CACNA2D3: variants seen among roughly 807,000 people sequenced by gnomAD.
CACNA2D3 encodes calcium voltage-gated channel auxiliary subunit alpha2delta 3.
A neutral mutation model predicts 160.6 loss-of-function variants in CACNA2D3; 60 were observed. That is an observed-to-expected ratio of 0.37 (90% CI 0.30 to 0.46). CACNA2D3 has a LOEUF of 0.46. Among genes scored for constraint, CACNA2D3 ranks in the 20% least tolerant of loss-of-function variants. The probability of loss-of-function intolerance (pLI) is 1.00; values close to 1 mark genes in which losing one functional copy is unlikely to be tolerated. For synonymous variants in CACNA2D3, 558 were observed against 492.9 expected, an observed-to-expected ratio of 1.13 and a Z score of -1.75; for missense variants, 1,205 against 1,365.0, an observed-to-expected ratio of 0.88 and a Z score of 1.85.
rs116561637 is a variant in CACNA2D3, at chr3:54,718,105, T to G, written c.1168-34494T>G. On this transcript the variant is annotated intron_variant, in intron 11 of 37. Transcript: ENST00000474759. The stretch of plus-strand genomic sequence containing the variant: ...ATGATATACTTTTTTTACTTAATGA[T>G]TTATAGTCATTCTTTATGTATTCCA... 5.4e-3 allele frequency among the ~76,000 whole-genome samples: 823 copies of G among 152,306 alleles called. 15 individuals are homozygous for G. Among genetic ancestry groups the G allele is most frequent in the African/African-American group, 0.019 (786 of 41,562 alleles).
At chr3:54,918,860 G>T in intron 27 of CACNA2D3, 1 of 1,562,358 alleles carries the variant, frequency 6.4e-7, no homozygotes. Flanking sequence ...CAGGTGTCTG[G>T]TGATTCACAG....
At chr3:54,875,923 C>T (rs113101267) in intron 18 of CACNA2D3, among the ~76,000 whole-genome samples, 2 of 152,116 alleles carry the variant, frequency 1.3e-5, no homozygotes, top group Non-Finnish European at 1.5e-5. Context: ...ACCACACTTG[C>T]GAATGCTTGA....
rs753907016 is a variant in CACNA2D3 at position 54,984,666 on chromosome 3, C to T, written c.2615C>T (p.Thr872Ile). The T allele has an allele frequency of 3.9e-6, 6 of 1,557,672 alleles. No homozygotes were observed. In the East Asian group the frequency reaches 1.2e-4, roughly 30 times the overall value. Residue 872 changes from threonine (T) to isoleucine (I), a missense_variant, in exon 30 of 38, where the codon ACA becomes ATA. Coordinates refer to ENST00000474759, the MANE Select transcript of CACNA2D3 (RefSeq NM_018398.3). Reference protein sequence around the residue: ...NGFILVSEDYTQTGDFFGEIE... With the variant: ...NGFILVSEDYIQTGDFFGEIE... ...TTTATTTTGGTGTCTGAAGACTACA[C>T]ACAGGTGAGTGAAAATTTTCTACCA...
intron 27 of CACNA2D3, among the ~76,000 whole-genome samples, chr3:54,914,184 TA>T (rs200894155): frequency 0.016 from 2,374 of 152,220 alleles, 36 homozygotes; most frequent in Non-Finnish European, 0.025. Context: ...ATTTCTTCTG[TA>T]AAATAAGGAC....
chr3:54,213,740 A>T (rs1701417496), intron 2 of CACNA2D3, among the ~76,000 whole-genome samples: 1 of 152,256 alleles, frequency 6.6e-6, no homozygotes, highest in Non-Finnish European at 1.5e-5. Context: ...TAATACTAGG[A>T]AAAGATAAAT....
Position 54,122,709 on chromosome 3 carries a change from C to A in CACNA2D3, c.-5C>A. 5 of 1,178,620 alleles carry A rather than the reference C, an allele frequency of 4.2e-6. No homozygotes were observed. The highest frequency in any genetic ancestry group is 5.2e-6 in the Non-Finnish European group (5 of 954,092). 73.0% of individuals were successfully genotyped at this position (1,178,620 alleles called of 1,614,324 possible). ...CCGCAGCGGGCGCGTCGGAGGGAGC[C>A]CAGCATGGCCGGGCCGGGCTCGCCG... On this transcript the variant is annotated 5_prime_UTR_variant, in exon 1 of 38. Transcript: ENST00000474759.
intron 2 of CACNA2D3, among the ~76,000 whole-genome samples, chr3:54,216,141 G>GTA (rs1382997242): frequency 1.3e-5 from 2 of 151,826 alleles, no homozygotes; most frequent in East Asian, 3.9e-4. Flanking sequence ...GTACGTGTGT[G>GTA]TGTGTGTGTG....
In CACNA2D3 at chr3:54,167,397, A is replaced by G. The variant is rs960263482; in HGVS notation, c.204+43803A>G. On this transcript the variant is annotated intron_variant, in intron 2 of 37. Transcript: ENST00000474759. ...AGCCTTCTGCTTTTCTCTCACCAAG[A>G]CATAGCATCTTCCAGCGGGTTCCTT... is the stretch of plus-strand genomic sequence containing the variant. Among the ~76,000 whole-genome samples, 8 of 152,264 alleles carry G rather than the reference A, an allele frequency of 5.3e-5. No homozygotes were observed. The East Asian group carries it at 1.5e-3, about 29-fold the overall frequency.
At chr3:54,526,818 G>A (rs6414581) in intron 5 of CACNA2D3, among the ~76,000 whole-genome samples, 100,972 of 152,078 alleles carry the variant, frequency 0.66, 33,712 homozygotes, top group African/African-American at 0.68. Context: ...AGCCTCCCAA[G>A]TAGCTGGAAT....
chr3:54,690,270 A>G (rs1324008250), intron 11 of CACNA2D3, among the ~76,000 whole-genome samples: 3 of 152,016 alleles, frequency 2.0e-5, no homozygotes, highest in Non-Finnish European at 4.4e-5. Flanking sequence ...TAAAACTCCA[A>G]ATGCTTCTCA....
At chr3:54,379,981 G>A (rs1172957130) in intron 3 of CACNA2D3, among the ~76,000 whole-genome samples, 1 of 152,140 alleles carries the variant, frequency 6.6e-6, no homozygotes, top group Non-Finnish European at 1.5e-5. Context: ...TAGCTACAAA[G>A]CAGCAAAGAT....
At chr3:54,628,736 C>T (rs1699174750) in intron 10 of CACNA2D3, among the ~76,000 whole-genome samples, 1 of 152,114 alleles carries the variant, frequency 6.6e-6, no homozygotes, top group Admixed American at 6.5e-5. Context: ...GATGGAAAAG[C>T]TGAGAAACCA....
chr3:54,493,511 T>TC (rs147970164), intron 4 of CACNA2D3, among the ~76,000 whole-genome samples: 3,109 of 152,238 alleles, frequency 0.02, 87 homozygotes, highest in East Asian at 0.11. Context: ...GTCTCTGAAC[T>TC]CCCCATTACT....
chr3:54,795,350 G>T (rs759161176), intron 13 of CACNA2D3, among the ~76,000 whole-genome samples: 3 of 152,046 alleles, frequency 2.0e-5, no homozygotes, highest in Non-Finnish European at 2.9e-5. Context: ...TTTAAAGTCT[G>T]TGTTTGTGAA....
At chr3:54,996,564 C>A (rs1462047473) in intron 31 of CACNA2D3, among the ~76,000 whole-genome samples, 1 of 152,196 alleles carries the variant, frequency 6.6e-6, no homozygotes, top group Non-Finnish European at 1.5e-5. Context: ...GGGCCACCTT[C>A]TTTCAGAGGA....
chr3:55,017,119 A>AT (rs921035368), intron 34 of CACNA2D3, among the ~76,000 whole-genome samples: 42 of 152,212 alleles, frequency 2.8e-4, no homozygotes, highest in South Asian at 1.0e-3. Flanking sequence ...TGTAAATAAG[A>AT]TTTTTTTTTC....
At chr3:54,707,694 G>A (rs914610174) in intron 11 of CACNA2D3, among the ~76,000 whole-genome samples, 1 of 152,108 alleles carries the variant, frequency 6.6e-6, no homozygotes, top group African/African-American at 2.4e-5. Context: ...GCTGTCCATA[G>A]GCTTTTGCTG....
chr3:54,675,495 C>T lies in CACNA2D3; in HGVS notation c.1167+33254C>T, dbSNP rs182986902. ...AAGTGGTGAAAGCCTCTCCTGGCCC[C>T]TGGGGAAAGGTGGTCAGTCAGTCCT... On this transcript the variant is annotated intron_variant, in intron 11 of 37. Coordinates refer to ENST00000474759, the MANE Select transcript of CACNA2D3 (RefSeq NM_018398.3). 1.3e-4 allele frequency among the ~76,000 whole-genome samples: 20 copies of T among 152,216 alleles called. 1 individual carries two copies. The highest frequency in any genetic ancestry group is 6.8e-3 in the Middle Eastern group (2 of 292).
chr3:54,765,247 G>A (rs1412299892), intron 13 of CACNA2D3, among the ~76,000 whole-genome samples: 1 of 152,106 alleles, frequency 6.6e-6, no homozygotes, highest in Non-Finnish European at 1.5e-5. Flanking sequence ...AAAAGCATGT[G>A]GGAACTCATT....
Sources: allele counts gnomAD v4.1 joint callset (sites outside exome capture counted in the v4.1 genomes callset), GRCh38; gene constraint gnomAD v4.1.1; transcripts MANE v1.5; gene names NCBI Gene and HGNC (gene_info 2026-07-23, HGNC 2026-07-21).